Variants in SFRP1 observed in about 807,000 individuals in gnomAD.
The protein encoded by SFRP1 is secreted frizzled-related protein 1.
In SFRP1, 9 loss-of-function variants were observed where a neutral mutation model predicts 25.9. The observed-to-expected ratio is 0.35, with a 90% CI of 0.21 to 0.61. SFRP1 has a LOEUF of 0.61. Among genes scored for constraint, SFRP1 ranks in the 20% least tolerant of loss-of-function variants. The pLI is 0.78. For missense variants in SFRP1, 346 were observed against 418.2 expected (o/e 0.83, Z 1.51); for synonymous variants, 178 against 174.0 (o/e 1.02, Z -0.18).
intron 2 of SFRP1, among the ~76,000 whole-genome samples, chr8:41,279,975 T>A (rs1803614712): frequency 6.6e-6 from 1 of 152,210 alleles, no homozygotes; most frequent in Admixed American, 6.5e-5. Flanking sequence ...TTTTTTCAGC[T>A]TTCTAGGCTT....
At chr8:41,268,587 C>T (rs557244685) in intron 2 of SFRP1, among the ~76,000 whole-genome samples, 7 of 152,250 alleles carry the variant, frequency 4.6e-5, no homozygotes, top group African/African-American at 1.7e-4. Context: ...CCACTTGGCC[C>T]CTTTCTTTTT....
intron 1 of SFRP1, among the ~76,000 whole-genome samples, chr8:41,306,076 T>C (rs895169720): frequency 6.6e-6 from 1 of 150,814 alleles, no homozygotes; most frequent in East Asian, 1.9e-4. Flanking sequence ...ACAGTTCTAA[T>C]GGAAGTGCCA....
At chr8:41,288,487 T>C (rs1803734757) in intron 2 of SFRP1, among the ~76,000 whole-genome samples, 1 of 125,102 alleles carries the variant, frequency 8.0e-6, no homozygotes, top group African/African-American at 3.1e-5. Flanking sequence ...CACTGAGCCA[T>C]GATAGTGCCA....
intron 2 of SFRP1, among the ~76,000 whole-genome samples, chr8:41,286,580 C>G (rs1043194059): frequency 6.6e-6 from 1 of 152,128 alleles, no homozygotes; most frequent in African/African-American, 2.4e-5. Context: ...CAGGTCCGTT[C>G]CCAAAGAGTC....
chr8:41,299,431 C>T (rs908783293), intron 2 of SFRP1, among the ~76,000 whole-genome samples: 2 of 142,700 alleles, frequency 1.4e-5, no homozygotes, highest in Admixed American at 1.5e-4. Flanking sequence ...CAAAACAGGG[C>T]ATGTAGTTTT....
At chr8:41,300,282 C>T (rs1273866082) in intron 2 of SFRP1, among the ~76,000 whole-genome samples, 1 of 152,192 alleles carries the variant, frequency 6.6e-6, no homozygotes. Flanking sequence ...CTTAGTGTTG[C>T]ATAGTACAGC....
intron 2 of SFRP1, among the ~76,000 whole-genome samples, chr8:41,299,169 C>T (rs1054719940): frequency 6.6e-6 from 1 of 151,886 alleles, no homozygotes; most frequent in Non-Finnish European, 1.5e-5. Context: ...GGACTCACAC[C>T]TCTAGTGCAC....
intron 2 of SFRP1, among the ~76,000 whole-genome samples, chr8:41,266,123 A>T (rs1417502365): frequency 1.3e-5 from 2 of 151,716 alleles, no homozygotes; most frequent in Admixed American, 1.3e-4. Flanking sequence ...CCAAGATCAC[A>T]CCACTGCACT....
chr8:41,277,253 A>G (rs1803583207), intron 2 of SFRP1, among the ~76,000 whole-genome samples: 1 of 143,196 alleles, frequency 7.0e-6, no homozygotes, highest in South Asian at 2.3e-4. Context: ...GGAGGGAGAG[A>G]AAGAAGAATA....
At chr8:41,286,611 G>A (rs1189717445) in intron 2 of SFRP1, among the ~76,000 whole-genome samples, 1 of 152,108 alleles carries the variant, frequency 6.6e-6, no homozygotes, top group Admixed American at 6.5e-5. Context: ...GAATGCTCCA[G>A]GCCATCTGGC....
At chr8:41,295,801 C>A (rs1430249162) in intron 2 of SFRP1, among the ~76,000 whole-genome samples, 3 of 151,794 alleles carry the variant, frequency 2.0e-5, no homozygotes, top group Non-Finnish European at 4.4e-5. Flanking sequence ...GATGACTTCA[C>A]CCCCTGCCAC....
intron 2 of SFRP1, among the ~76,000 whole-genome samples, chr8:41,274,236 C>T (rs1244184921): frequency 6.6e-6 from 1 of 152,144 alleles, no homozygotes; most frequent in Admixed American, 6.5e-5. Flanking sequence ...AGAACCCTGT[C>T]TAACAAAAAA....
At chr8:41,307,087 C>A in intron 1 of SFRP1, 1 of 1,286,444 alleles carries the variant, frequency 7.8e-7, no homozygotes, top group South Asian at 1.8e-5. Flanking sequence ...GGCTAATCCC[C>A]GCTGGCTGAG....
intron 2 of SFRP1, among the ~76,000 whole-genome samples, chr8:41,291,468 T>A (rs965702261): frequency 3.9e-5 from 6 of 152,216 alleles, no homozygotes; most frequent in African/African-American, 1.4e-4. Flanking sequence ...ATTATCTTCC[T>A]AGGCCCACCT....
At chr8:41,273,624 A>T (rs1188070596) in intron 2 of SFRP1, among the ~76,000 whole-genome samples, 1 of 152,156 alleles carries the variant, frequency 6.6e-6, no homozygotes, top group Non-Finnish European at 1.5e-5. Context: ...TTACCTATTT[A>T]AAAAAATGCA....
intron 2 of SFRP1, among the ~76,000 whole-genome samples, chr8:41,279,478 C>T (rs1229585715): frequency 6.6e-6 from 1 of 152,038 alleles, no homozygotes; most frequent in Non-Finnish European, 1.5e-5. Context: ...CCTTTCTGTC[C>T]CAGAAAGGTT....
At chr8:41,266,154 A>G (rs1397516242) in intron 2 of SFRP1, among the ~76,000 whole-genome samples, 1 of 151,706 alleles carries the variant, frequency 6.6e-6, no homozygotes, top group Non-Finnish European at 1.5e-5. Flanking sequence ...CGACAGAGCA[A>G]GACTCCATCT....
At chr8:41,298,645 C>T (rs542229494) in intron 2 of SFRP1, among the ~76,000 whole-genome samples, 2 of 152,218 alleles carry the variant, frequency 1.3e-5, no homozygotes, top group African/African-American at 4.8e-5. Flanking sequence ...AAACTCCTGA[C>T]CTCAAGCAAT....
chr8:41,299,007 A>T (rs754281586), intron 2 of SFRP1, among the ~76,000 whole-genome samples: 15 of 152,146 alleles, frequency 9.9e-5, no homozygotes, highest in Non-Finnish European at 2.1e-4. Flanking sequence ...CTATAGTCAT[A>T]TCCAAAGATG....
Sources: gnomAD v4.1 joint callset for allele counts (sites outside exome capture counted in the v4.1 genomes callset) on GRCh38, gnomAD v4.1.1 for gene constraint, MANE v1.5 for transcripts, NCBI Gene and HGNC (gene_info 2026-07-23, HGNC 2026-07-21) for gene names.